WWP1: variants seen among roughly 807,000 people sequenced by gnomAD.
The protein encoded by WWP1 is WW domain containing E3 ubiquitin protein ligase 1, also known as NEDD4-like E3 ubiquitin-protein ligase WWP1.
In WWP1, 49 loss-of-function variants were observed where a neutral mutation model predicts 130.6. The observed-to-expected ratio is 0.38, with a 90% confidence interval of 0.30 to 0.48. The LOEUF is 0.48. Among genes scored for constraint, WWP1 ranks in the 20% least tolerant of loss-of-function variants. The pLI, the probability that WWP1 is intolerant of heterozygous loss-of-function variation, is 0.99. For missense variants in WWP1, 809 were observed against 1,100.6 expected (o/e 0.74, Z 3.75); for synonymous variants, 332 against 367.8 (o/e 0.90, Z 1.11).
intron 18 of WWP1, among the ~76,000 whole-genome samples, chr8:86,446,930 G>T (rs1810913045): frequency 6.6e-6 from 1 of 152,148 alleles, no homozygotes; most frequent in African/African-American, 2.4e-5. Flanking sequence ...GAACACAAAA[G>T]TTTTCTTCTG....
intron 1 of WWP1, among the ~76,000 whole-genome samples, chr8:86,362,065 T>TAC (rs1372367287): frequency 2.2e-5 from 3 of 136,634 alleles, no homozygotes; most frequent in Non-Finnish European, 4.7e-5. Context: ...TATACACACA[T>TAC]ATATATACAC....
chr8:86,431,349 T>C, intron 12 of WWP1, 57 bp from the exon 13 acceptor site: 1 of 777,660 alleles, frequency 1.3e-6, no homozygotes. Context: ...ATGTGTTCCT[T>C]ATTTTATATA....
At position 86,407,898 on chromosome 8, in the gene WWP1, T is replaced by G. The variant is rs561551334; in HGVS notation, c.725-3640T>G. 1.1e-4 allele frequency among the ~76,000 whole-genome samples: 17 copies of G among 152,354 alleles called. No homozygotes were observed. In the South Asian group the frequency reaches 2.1e-3, roughly 19 times the overall value. ...TGAACCATTAATAATACATTGTTAT[T>G]AACTAAAGTCCATAGTTTACATTAC... On this transcript the variant is annotated intron_variant, in intron 8 of 24. Coordinates refer to ENST00000517970, the MANE Select transcript of WWP1 (RefSeq NM_007013.4).
At chr8:86,364,859 A>G (rs368158108) in intron 1 of WWP1, among the ~76,000 whole-genome samples, 28 of 145,200 alleles carry the variant, frequency 1.9e-4, no homozygotes, top group South Asian at 6.4e-4. Context: ...GAGAGAGAGA[A>G]AGAAGAAAGA....
In WWP1 at chr8:86,380,696, A is replaced by G. The variant is rs772123139; in HGVS notation, c.71-30A>G. 2.5e-5 allele frequency: 40 copies of G among 1,590,774 alleles called. No homozygotes were observed. The Admixed American group carries it at 3.9e-4, about 15-fold the overall frequency. On this transcript the variant is annotated intron_variant, in intron 3 of 24. Transcript: ENST00000517970. ...GTGCAGTACTACTTTTTGGCAACAC[A>G]TACTCACTAGTGAATTATTTGTCTG...
In WWP1 at chr8:86,433,548, T is replaced by TA. The variant is rs563924796; in HGVS notation, c.1601+1818dup. ...GGGCAACATAGCAAGAGCTAGTCTCTAAAAAAAAAAAAATTATAACAACAA... is the reference window on the plus strand; with the variant it reads ...GGGCAACATAGCAAGAGCTAGTCTCTAAAAAAAAAAAAAATTATAACAACAA... On this transcript the variant is annotated intron_variant, in intron 14 of 24. Transcript: ENST00000517970. Among the ~76,000 whole-genome samples, 796 of 141,058 alleles carry TA rather than the reference T, an allele frequency of 5.6e-3. 3 individuals are homozygous for TA. The highest frequency in any genetic ancestry group is 0.012 in the African/African-American group (469 of 38,396). 92.5% of individuals were successfully genotyped at this position (141,058 alleles called of 152,430 possible). A position where few individuals can be genotyped will look rare whatever the true frequency, so the allele number is the denominator to read the frequency against.
At position 86,442,634 on chromosome 8, in the gene WWP1, G is replaced by T; in HGVS notation, c.1854G>T (p.Leu618Phe). 2 of 1,593,886 alleles carry T rather than the reference G, an allele frequency of 1.3e-6. No homozygotes were observed. The highest frequency in any genetic ancestry group is 1.7e-6 in the Non-Finnish European group (2 of 1,172,906). Reference sequence around the variant, plus strand: ...TTTCTTATAGAGAATGGTTTTTCTTGCTTTCACATGAAGTTTTGAACCCAA... The same window carrying T: ...TTTCTTATAGAGAATGGTTTTTCTTTCTTTCACATGAAGTTTTGAACCCAA... ...YGGLAREWFF[L>F]LSHEVLNPMY... is the part of the protein sequence containing the mutation. Residue 618 changes from leucine (L) to phenylalanine (F), a missense_variant, in exon 18 of 25, where the codon TTG (leucine) becomes TTT (phenylalanine). This residue lies in a region of WWP1 where 450 missense variants were observed against 674.2 expected (regional missense o/e 0.67). Coordinates refer to ENST00000517970, the MANE Select transcript of WWP1 (RefSeq NM_007013.4).
At chr8:86,431,864 A>G in intron 14 of WWP1, 121 bp downstream of exon 14, 1 of 1,290,892 alleles carries the variant, frequency 7.7e-7, no homozygotes, top group Non-Finnish European at 1.1e-6. Flanking sequence ...AACCTACACA[A>G]GTGAAACCTT....
intron 9 of WWP1, among the ~76,000 whole-genome samples, chr8:86,416,935 C>T (rs1477483292): frequency 6.6e-6 from 1 of 152,136 alleles, no homozygotes; most frequent in African/African-American, 2.4e-5. Context: ...CTGAAAGTAC[C>T]TTCCTCCCTT....
At chr8:86,365,556 T>C (rs1264743283) in intron 1 of WWP1, among the ~76,000 whole-genome samples, 1 of 152,206 alleles carries the variant, frequency 6.6e-6, no homozygotes, top group Non-Finnish European at 1.5e-5. Context: ...GAAGTGCTAT[T>C]CTGTTTTACT....
chr8:86,382,447 C>T (rs1423754895), intron 5 of WWP1, among the ~76,000 whole-genome samples: 4 of 151,774 alleles, frequency 2.6e-5, no homozygotes, highest in African/African-American at 9.7e-5. Context: ...GCCTGTAATC[C>T]CAGTACTTTG....
chr8:86,374,306 A>C (rs1824500345), intron 3 of WWP1, among the ~76,000 whole-genome samples, 186 bp downstream of exon 3: 1 of 152,242 alleles, frequency 6.6e-6, no homozygotes, highest in Admixed American at 6.5e-5. Flanking sequence ...TATTTATTGA[A>C]CCTATGCTGG....
intron 5 of WWP1, among the ~76,000 whole-genome samples, chr8:86,388,078 C>A (rs565160038): frequency 6.6e-6 from 1 of 151,446 alleles, no homozygotes; most frequent in African/African-American, 2.4e-5. Flanking sequence ...AATAGCCATA[C>A]ATGGCCGCTG....
chr8:86,427,585 C>T, intron 10 of WWP1, 58 bp from the exon 11 acceptor site: 1 of 1,464,866 alleles, frequency 6.8e-7, no homozygotes, highest in Non-Finnish European at 9.1e-7. Flanking sequence ...GAAGTAATAA[C>T]TGCTTTTCAT....
intron 5 of WWP1, among the ~76,000 whole-genome samples, chr8:86,389,312 C>T (rs537758180): frequency 6.6e-6 from 1 of 152,226 alleles, no homozygotes; most frequent in Non-Finnish European, 1.5e-5. Flanking sequence ...CGGCCTTCCG[C>T]AGTGTTTGTG....
chr8:86,424,499 C>T (rs946815440), intron 9 of WWP1, among the ~76,000 whole-genome samples: 2 of 151,856 alleles, frequency 1.3e-5, no homozygotes, highest in African/African-American at 4.8e-5. Flanking sequence ...CGCCACTGCA[C>T]TCCAGCCTGG....
At chr8:86,422,786 G>A (rs1809302394) in intron 9 of WWP1, among the ~76,000 whole-genome samples, 1 of 152,096 alleles carries the variant, frequency 6.6e-6, no homozygotes, top group South Asian at 2.1e-4. Flanking sequence ...GAGATTGAGA[G>A]TCTTCAAAAT....
intron 2 of WWP1, among the ~76,000 whole-genome samples, chr8:86,369,314 A>C (rs1824152419): frequency 6.6e-6 from 1 of 152,160 alleles, no homozygotes; most frequent in Non-Finnish European, 1.5e-5. Context: ...ATAATTGTTG[A>C]AATTGATAAT....
intron 7 of WWP1, among the ~76,000 whole-genome samples, chr8:86,398,988 A>G (rs917099900): frequency 4.6e-5 from 7 of 152,138 alleles, no homozygotes; most frequent in South Asian, 2.1e-4. Flanking sequence ...CCCTGCACCC[A>G]TGAATCTACT....
Sources: gnomAD v4.1 joint callset for allele counts (sites outside exome capture counted in the v4.1 genomes callset) on GRCh38, gnomAD v4.1.1 for gene constraint, gnomAD v4.1.1 regional missense constraint, MANE v1.5 for transcripts, NCBI Gene and HGNC (gene_info 2026-07-23, HGNC 2026-07-21) for gene names.